COL1A2: variants seen among roughly 807,000 people sequenced by gnomAD.
The protein encoded by COL1A2 is collagen alpha-2(I) chain.
COL1A2 carries 49 observed loss-of-function variants against 174.3 expected under a neutral mutation model. The observed-to-expected ratio is 0.28, with a 90% confidence interval of 0.22 to 0.36. COL1A2 has a LOEUF of 0.36. Ranked by LOEUF, COL1A2 falls within the 10% of genes least tolerant of loss-of-function variation. The probability of loss-of-function intolerance (pLI) is 1.00; values close to 1 mark genes in which losing one functional copy is unlikely to be tolerated. For missense variants in COL1A2, 1,438 were observed against 1,822.7 expected, an observed-to-expected ratio of 0.79 and a Z score of 3.84; for synonymous variants, 655 against 606.6, an observed-to-expected ratio of 1.08 and a Z score of -1.17.
rs572999675 is a variant in COL1A2, at chr7:94,409,891, G to T, written c.1035+70G>T. The T allele has an allele frequency of 1.1e-5, 16 of 1,412,604 alleles. No individual in the cohort carries two copies. The South Asian group carries it at 1.6e-4, about 14-fold the overall frequency. The allele number at this position is 1,412,604 out of a possible 1,614,324, so 87.5% of individuals were successfully genotyped here. ...TCTGCCATCATTTCATCACTATCTA[G>T]ACTTCCACTTGTAGTTTTATTATTC... On this transcript the variant is annotated intron_variant, in intron 19 of 51. Coordinates refer to ENST00000297268, the MANE Select transcript of COL1A2 (RefSeq NM_000089.4).
chr7:94,413,497 TA>T (rs1248763692), intron 26 of COL1A2, among the ~76,000 whole-genome samples, 192 bp from the exon 27 acceptor site: 16 of 152,240 alleles, frequency 1.1e-4, no homozygotes, highest in Non-Finnish European at 4.4e-5. Flanking sequence ...TATATATACC[TA>T]CTATGTACCC....
At chr7:94,427,512 T>C in intron 48 of COL1A2, 115 bp from the exon 49 acceptor site, 1 of 1,328,868 alleles carries the variant, frequency 7.5e-7, no homozygotes, top group Non-Finnish European at 1.1e-6. Context: ...ACTTGATTAT[T>C]TTTTACTGAT....
At chr7:94,408,658 A>T in intron 15 of COL1A2, 112 bp from the exon 16 acceptor site, 2 of 1,174,816 alleles carry the variant, frequency 1.7e-6, no homozygotes, top group Admixed American at 1.9e-5. Flanking sequence ...TTTTTTCTTT[A>T]CTAATATAAA....
rs1245247294 is a variant in COL1A2, at chr7:94,405,711, C to T, written c.525C>T (p.Gly175=). 6.2e-7 allele frequency: 1 copy of T among 1,613,516 alleles called. No homozygotes were observed. Among genetic ancestry groups the T allele is most frequent in the South Asian group, 1.1e-5 (1 of 91,068 alleles). Residue 175 remains glycine (G), a synonymous_variant, in exon 11 of 52, where the codon GGC becomes GGT. Transcript: ENST00000297268. Reference sequence around the variant, plus strand: ...TCCCTGGAACTCCTGGACTTCCTGGCTTCAAAGGCATTAGGGTGAGCACAT... The same window carrying T: ...TCCCTGGAACTCCTGGACTTCCTGGTTTCAAAGGCATTAGGGTGAGCACAT... ...RGFPGTPGLP[G]FKGIRGHNGL... is the part of the protein sequence containing the mutation.
intron 4 of COL1A2, among the ~76,000 whole-genome samples, chr7:94,399,891 T>A (rs867465105): frequency 3.3e-5 from 5 of 152,320 alleles, no homozygotes; most frequent in African/African-American, 4.8e-5. Flanking sequence ...GTTAAACATA[T>A]GAAGCACGTG....
At position 94,430,490 on chromosome 7, in the gene COL1A2, A is replaced by C. The variant is rs1792377196; in HGVS notation, c.*97A>C. The C allele has an allele frequency of 7.7e-7, 1 of 1,293,258 alleles. No homozygotes were observed. The highest frequency in any genetic ancestry group is 1.5e-5 in the African/African-American group (1 of 68,056). 80.1% of individuals were successfully genotyped at this position (1,293,258 alleles called of 1,614,324 possible). Reference sequence around the variant, plus strand: ...TTTTAACTGAAAGCTGAATCCTTCCATTTCTTCTGCACATCTACTTGCTTA... The same window carrying C: ...TTTTAACTGAAAGCTGAATCCTTCCCTTTCTTCTGCACATCTACTTGCTTA... On this transcript the variant is annotated 3_prime_UTR_variant, in exon 52 of 52. Coordinates refer to ENST00000297268, the MANE Select transcript of COL1A2 (RefSeq NM_000089.4).
In COL1A2 at chr7:94,399,066, A is replaced by G. The variant is rs1462108134; in HGVS notation, c.114A>G (p.Arg38=). 2.5e-6 allele frequency: 4 copies of G among 1,613,748 alleles called. No individual in the cohort carries two copies. Among genetic ancestry groups the G allele is most frequent in the Middle Eastern group, 1.7e-4 (1 of 6,060 alleles). Residue 38 remains arginine, a synonymous_variant, in exon 4 of 52, where the codon AGA becomes AGG. Coordinates refer to ENST00000297268, the MANE Select transcript of COL1A2 (RefSeq NM_000089.4). ...ETVRKGPAGD[R]GPRGERGPPG... is the part of the protein sequence containing the mutation. ...TCCTGTAGGGCCCAGCCGGAGATAGAGGACCACGTGGAGAAAGGGTGTGTA... is the reference window on the plus strand; with the variant it reads ...TCCTGTAGGGCCCAGCCGGAGATAGGGGACCACGTGGAGAAAGGGTGTGTA...
rs1269037855 is a variant in COL1A2 at position 94,416,395 on chromosome 7, C to T, written c.1765-10C>T. 1 of 1,561,082 alleles carries T rather than the reference C, an allele frequency of 6.4e-7. No homozygotes were observed. Among genetic ancestry groups the T allele is most frequent in the Admixed American group, 1.9e-5 (1 of 52,688 alleles). Reference sequence around the variant, plus strand: ...AATGGTGCAACACTTCTTCTAATCACTTTTTTCAGGGGGAACGCGGTCCCC... The same window carrying T: ...AATGGTGCAACACTTCTTCTAATCATTTTTTTCAGGGGGAACGCGGTCCCC... On this transcript the variant is annotated splice_polypyrimidine_tract_variant and intron_variant, in intron 30 of 51. Coordinates refer to ENST00000297268, the MANE Select transcript of COL1A2 (RefSeq NM_000089.4).
chr7:94,422,716 A>G (rs1792192757), intron 39 of COL1A2: 3 of 522,832 alleles, frequency 5.7e-6, no homozygotes, highest in Non-Finnish European at 1.0e-5. Context: ...GTTTTTCCTC[A>G]TAGAAATTTG....
intron 1 of COL1A2, 67 bp from the exon 2 acceptor site, chr7:94,397,680 AT>A: frequency 1.2e-6 from 1 of 862,496 alleles, no homozygotes; most frequent in Non-Finnish European, 1.9e-6. Flanking sequence ...CTATTTGTTA[AT>A]TATTGCTATT....
chr7:94,419,063 C>T (rs1792099612), intron 33 of COL1A2, among the ~76,000 whole-genome samples: 1 of 144,424 alleles, frequency 6.9e-6, no homozygotes, highest in Non-Finnish European at 1.5e-5. Context: ...GTATGTCAGC[C>T]TCATGGGTCT....
intron 30 of COL1A2, 37 bp downstream of exon 30, chr7:94,415,307 A>C: frequency 1.3e-6 from 2 of 1,599,418 alleles, no homozygotes; most frequent in Non-Finnish European, 1.7e-6. Flanking sequence ...AAACTCTGGC[A>C]ATGTGTTTTT....
chr7:94,395,123 G>A (rs778946547), intron 1 of COL1A2, 22 bp downstream of exon 1: 85 of 1,607,164 alleles, frequency 5.3e-5, no homozygotes, highest in Non-Finnish European at 7.1e-5. Context: ...CAGCTTGTTT[G>A]GGGGAGACTG....
At chr7:94,418,903 C>T (rs1019850545) in intron 33 of COL1A2, among the ~76,000 whole-genome samples, 5 of 151,590 alleles carry the variant, frequency 3.3e-5, no homozygotes, top group African/African-American at 1.2e-4. Context: ...GTCTCCTATG[C>T]TTTAGGAAGC....
rs1050142023 is a variant in COL1A2 at position 94,409,235 on chromosome 7, G to C, written c.793-87G>C. 7 of 1,163,288 alleles carry C rather than the reference G, an allele frequency of 6.0e-6. No homozygotes were observed. The African/African-American group carries it at 1.1e-4, about 18-fold the overall frequency. The allele number at this position is 1,163,288 out of a possible 1,614,324, so 72.1% of individuals were successfully genotyped here. The stretch of plus-strand genomic sequence containing the variant: ...AATTGCAATTTTGAAGTTTTATGAA[G>C]ACATTTCATAAAACTTGGCATCTTA... On this transcript the variant is annotated intron_variant, in intron 16 of 51. Transcript: ENST00000297268.
chr7:94,403,543 A>G (rs1463037300), intron 6 of COL1A2, among the ~76,000 whole-genome samples: 1 of 152,206 alleles, frequency 6.6e-6, no homozygotes, highest in African/African-American at 2.4e-5. Flanking sequence ...TATGCCTAAA[A>G]AGCTATTGTG....
intron 28 of COL1A2, 61 bp from the exon 29 acceptor site, chr7:94,414,161 T>C: frequency 1.3e-6 from 2 of 1,574,394 alleles, no homozygotes; most frequent in Non-Finnish European, 1.7e-6. Flanking sequence ...CAAACTCAAT[T>C]ATTAGCAAAT....
At chr7:94,416,352 G>A (rs1386602174) in intron 30 of COL1A2, 53 bp from the exon 31 acceptor site, 3 of 1,411,336 alleles carry the variant, frequency 2.1e-6, no homozygotes, top group South Asian at 1.2e-5. Flanking sequence ...ATGTAAAACA[G>A]TATCACTGAA....
intron 33 of COL1A2, among the ~76,000 whole-genome samples, chr7:94,418,770 T>G (rs1792094390): frequency 6.6e-6 from 1 of 152,068 alleles, no homozygotes; most frequent in Non-Finnish European, 1.5e-5. Context: ...ATATCCTGAA[T>G]TTTCTAACTT....
Sources: allele counts gnomAD v4.1 joint callset (sites outside exome capture counted in the v4.1 genomes callset), GRCh38; gene constraint gnomAD v4.1.1; transcripts MANE v1.5; gene names NCBI Gene and HGNC (gene_info 2026-07-23, HGNC 2026-07-21).